GNB2: variants seen among roughly 807,000 people sequenced by gnomAD.
GNB2 encodes the protein G protein subunit beta 2.
A neutral mutation model predicts 40.7 loss-of-function variants in GNB2; 7 were observed. That is an observed-to-expected ratio of 0.17 (90% CI 0.10 to 0.32). The LOEUF (loss-of-function observed/expected upper bound fraction) is 0.32. Ranked by LOEUF, GNB2 falls within the 10% of genes least tolerant of loss-of-function variation. The pLI is 1.00. For synonymous variants in GNB2, 254 were observed against 191.2 expected, an observed-to-expected ratio of 1.33 and a Z score of -2.71; for missense variants, 286 against 473.0, an observed-to-expected ratio of 0.60 and a Z score of 3.67.
intron 6 of GNB2, 34 bp downstream of exon 6, chr7:100,677,694 G>T (rs1041855887): frequency 1.6e-4 from 254 of 1,612,930 alleles, no homozygotes; most frequent in Non-Finnish European, 2.1e-4. Flanking sequence ...GCCCTTTTTG[G>T]GGTTGGGGGG....
chr7:100,678,732 CG>C lies in GNB2; in HGVS notation c.958del (p.Val320SerfsTer79), dbSNP rs1562859125. 1 of 1,613,786 alleles carries C rather than the reference CG, an allele frequency of 6.2e-7. No individual in the cohort carries two copies. Among genetic ancestry groups the C allele is most frequent in the East Asian group, 2.2e-5 (1 of 44,890 alleles). ...AGHDNRVSCL[G>X]VTDDGMAVAT... The stretch of plus-strand genomic sequence containing the variant: ...GCCACGACAACCGCGTGAGCTGCCT[CG>C]GGGTCACCGACGATGGCATGGCTGT... On this transcript the variant is annotated frameshift_variant, in exon 10 of 10. Coordinates refer to ENST00000303210, the MANE Select transcript of GNB2 (RefSeq NM_005273.4). LOFTEE classifies it high-confidence loss of function.
At position 100,676,692 on chromosome 7, in the gene GNB2, G is replaced by A; in HGVS notation, c.97-1G>A. ...CGAGCGCATTCTGTCTCTACCTCCA[G>A]ATCACAGCTGGGCTGGACCCAGTGG... On this transcript the variant is annotated splice_acceptor_variant, in intron 3 of 9. Transcript: ENST00000303210. LOFTEE classifies it high-confidence loss of function. 6.2e-7 allele frequency: 1 copy of A among 1,608,958 alleles called. No individual in the cohort carries two copies. Among genetic ancestry groups the A allele is most frequent in the Non-Finnish European group, 8.5e-7 (1 of 1,175,670 alleles).
rs971030313 is a variant in GNB2 at position 100,673,794 on chromosome 7, G to A, written c.-219G>A. On this transcript the variant is annotated 5_prime_UTR_variant, in exon 1 of 10. Coordinates refer to ENST00000303210, the MANE Select transcript of GNB2 (RefSeq NM_005273.4). ...GAGGCAGCGCTGGCGGCGGGGCTGG[G>A]GCCACTGAGGAAATCCATCCGCGCC... 2 of 181,090 alleles carry A rather than the reference G, an allele frequency of 1.1e-5. No homozygotes were observed. The highest frequency in any genetic ancestry group is 6.5e-5 in the Admixed American group (1 of 15,412). The allele number at this position is 181,090 out of a possible 1,614,324, so 11.2% of individuals were successfully genotyped here.
chr7:100,678,021 G>T (rs1006434862), intron 7 of GNB2, 77 bp from the exon 8 acceptor site: 17 of 1,289,370 alleles, frequency 1.3e-5, no homozygotes, highest in Non-Finnish European at 1.8e-5. Flanking sequence ...TTGGGCTCAC[G>T]TGGTGGGGCG....
Position 100,678,837 on chromosome 7 carries a change from C to T in GNB2, c.*36C>T, listed in dbSNP as rs766264364. 6.7e-7 allele frequency: 1 copy of T among 1,486,854 alleles called. No individual in the cohort carries two copies. The allele number at this position is 1,486,854 out of a possible 1,614,324, so 92.1% of individuals were successfully genotyped here. ...CCCACTGGGCCCAGGCCAGGAGGGG[C>T]CCTGCCCATGCCCACACTACAGGCC... On this transcript the variant is annotated 3_prime_UTR_variant, in exon 10 of 10. Coordinates refer to ENST00000303210, the MANE Select transcript of GNB2 (RefSeq NM_005273.4).
intron 2 of GNB2, 31 bp downstream of exon 2, chr7:100,676,353 T>G (rs373690790): frequency 6.4e-7 from 1 of 1,569,426 alleles, no homozygotes; most frequent in Non-Finnish European, 8.7e-7. Context: ...GGGCGATTCA[T>G]GTGTACACCG....
chr7:100,678,793 T>TG lies in GNB2; in HGVS notation c.1017dup (p.Asn340GlufsTer108). 1 of 1,609,442 alleles carries TG rather than the reference T, an allele frequency of 6.2e-7. No homozygotes were observed. Among genetic ancestry groups the TG allele is most frequent in the Non-Finnish European group, 8.5e-7 (1 of 1,176,230 alleles). ...CTCCTGGGACTCCTTCCTCAAGATC[T>TG]GGAACTAATGGCCCCACCCCCACTG... On this transcript the variant is annotated frameshift_variant, in exon 10 of 10. Coordinates refer to ENST00000303210, the MANE Select transcript of GNB2 (RefSeq NM_005273.4). LOFTEE classifies it high-confidence loss of function.
intron 4 of GNB2, 87 bp from the exon 5 acceptor site, chr7:100,677,265 A>C (rs1489161980): frequency 9.8e-7 from 1 of 1,024,630 alleles, no homozygotes; most frequent in South Asian, 1.3e-5. Flanking sequence ...CAACAGAGAG[A>C]GACCCTACCT....
intron 7 of GNB2, 26 bp from the exon 8 acceptor site, chr7:100,678,072 T>G: frequency 1.3e-6 from 2 of 1,582,214 alleles, no homozygotes; most frequent in Non-Finnish European, 1.7e-6. Context: ...TCTCTTATCT[T>G]TTCTTTCTTC....
intron 1 of GNB2, among the ~76,000 whole-genome samples, chr7:100,674,418 C>A (rs971316551): frequency 6.6e-6 from 1 of 152,156 alleles, no homozygotes; most frequent in Non-Finnish European, 1.5e-5. Flanking sequence ...TGGGTGCTGC[C>A]CGTGGTTTCT....
At chr7:100,678,377 T>C in intron 8 of GNB2, 21 bp from the exon 9 acceptor site, 1 of 1,608,722 alleles carries the variant, frequency 6.2e-7, no homozygotes, top group Non-Finnish European at 8.5e-7. Context: ...CCTCACCCCA[T>C]CTGGGTCCCG....
Position 100,678,222 on chromosome 7 carries a change from A to G in GNB2, c.622A>G (p.Ile208Val), listed in dbSNP as rs752126417. 2.9e-5 allele frequency: 46 copies of G among 1,613,806 alleles called. No homozygotes were observed. The East Asian group carries it at 8.7e-4, about 30-fold the overall frequency. Residue 208 changes from isoleucine (I) to valine (V), a missense_variant, in exon 8 of 10, where the codon ATC becomes GTC. By Grantham distance (29) the Ile-to-Val change is conservative (BLOSUM62 3). Coordinates refer to ENST00000303210, the MANE Select transcript of GNB2 (RefSeq NM_005273.4). ...TFVSGACDAS[I>V]KLWDVRDSMC... is the part of the protein sequence containing the mutation. ...TGTGTCAGGCGCCTGTGATGCCTCT[A>G]TCAAGCTGTGGGACGTGCGGGATTC...
chr7:100,674,562 G>T (rs1456121545), intron 1 of GNB2, among the ~76,000 whole-genome samples: 2 of 151,932 alleles, frequency 1.3e-5, no homozygotes, highest in African/African-American at 4.8e-5. Context: ...GGGCTGGAGG[G>T]CCAGGCCCAC....
rs1804426936 is a variant in GNB2 at position 100,678,823 on chromosome 7, C to T, written c.*22C>T. ...CTAATGGCCCCACCCCCACTGGGCC[C>T]AGGCCAGGAGGGGCCCTGCCCATGC... On this transcript the variant is annotated 3_prime_UTR_variant, in exon 10 of 10. Coordinates refer to ENST00000303210, the MANE Select transcript of GNB2 (RefSeq NM_005273.4). 1 of 1,557,286 alleles carries T rather than the reference C, an allele frequency of 6.4e-7. No individual in the cohort carries two copies. Among genetic ancestry groups the T allele is most frequent in the Non-Finnish European group, 8.9e-7 (1 of 1,128,988 alleles).
intron 2 of GNB2, 29 bp from the exon 3 acceptor site, chr7:100,676,506 C>T (rs772783518): frequency 1.3e-6 from 2 of 1,590,938 alleles, no homozygotes; most frequent in Non-Finnish European, 8.6e-7. Context: ...TCTTCTCTCG[C>T]GTCTCTCTGG....
chr7:100,674,210 G>T (rs1804302269), intron 1 of GNB2, among the ~76,000 whole-genome samples: 1 of 152,006 alleles, frequency 6.6e-6, no homozygotes, highest in Admixed American at 6.5e-5. Flanking sequence ...AAGTTGGGGG[G>T]CTAAATTCCG....
chr7:100,677,446 G>A, intron 5 of GNB2, 31 bp downstream of exon 5: 1 of 1,613,176 alleles, frequency 6.2e-7, no homozygotes, highest in Non-Finnish European at 8.5e-7. Flanking sequence ...GGGTGGGGCA[G>A]GGCCACAGGG....
chr7:100,675,877 C>A (rs183323425), intron 1 of GNB2: 9 of 223,678 alleles, frequency 4.0e-5, no homozygotes, highest in Non-Finnish European at 7.8e-5. Flanking sequence ...ACACCCCCGC[C>A]CCCCCCGCCC....
chr7:100,676,602 C>T lies in GNB2; in HGVS notation c.96+29C>T. 6 of 1,597,916 alleles carry T rather than the reference C, an allele frequency of 3.8e-6. No individual in the cohort carries two copies. In the South Asian group the frequency reaches 6.6e-5, roughly 18 times the overall value. ...AGGGCACTTGGTGGCCAGAGCGTAA[C>T]TAGGGGTTGAAGGGGCAAGGATCAG... On this transcript the variant is annotated intron_variant, in intron 3 of 9. Transcript: ENST00000303210.
Sources: gnomAD v4.1 joint callset for allele counts (sites outside exome capture counted in the v4.1 genomes callset) on GRCh38, gnomAD v4.1.1 for gene constraint, MANE v1.5 for transcripts, NCBI Gene and HGNC (gene_info 2026-07-23, HGNC 2026-07-21) for gene names.